The following NLGN1 variants were observed in gnomAD, a reference collection of about 807,000 sequenced individuals.
NLGN1 encodes the protein neuroligin-1.
A neutral mutation model predicts 65.5 loss-of-function variants in NLGN1; 12 were observed. The ratio of observed to expected loss-of-function variants is 0.18; its 90% CI spans 0.12 to 0.30. The LOEUF (loss-of-function observed/expected upper bound fraction) is 0.30, where lower values mean the gene tolerates loss of function less well. NLGN1 is among the 10% of genes least tolerant of loss of function. The pLI, the probability that NLGN1 is intolerant of heterozygous loss-of-function variation, is 1.00. For synonymous variants in NLGN1, 350 were observed against 359.5 expected (o/e 0.97, Z 0.30); for missense variants, 750 against 1,007.1 (o/e 0.74, Z 3.46).
At chr3:173,590,084 A>G (rs917014477) in intron 2 of NLGN1, among the ~76,000 whole-genome samples, 14 of 152,152 alleles carry the variant, frequency 9.2e-5, no homozygotes, top group African/African-American at 3.4e-4. Context: ...TGATTACAGC[A>G]TAGAACGTTG....
At chr3:174,004,544 T>G (rs1269984063) in intron 4 of NLGN1, among the ~76,000 whole-genome samples, 7 of 152,166 alleles carry the variant, frequency 4.6e-5, no homozygotes, top group Non-Finnish European at 1.0e-4. Flanking sequence ...ACAAAAACAT[T>G]CTTGGACTCT....
intron 4 of NLGN1, among the ~76,000 whole-genome samples, chr3:173,898,427 T>TGCACA (rs1490373427): frequency 1.3e-5 from 2 of 152,172 alleles, no homozygotes; most frequent in Non-Finnish European, 2.9e-5. Flanking sequence ...CATTCAGAGA[T>TGCACA]GTCACTGTGG....
chr3:173,713,832 A>G (rs1353310114), intron 3 of NLGN1, among the ~76,000 whole-genome samples: 3 of 152,234 alleles, frequency 2.0e-5, no homozygotes, highest in Admixed American at 6.5e-5. Context: ...CTTACTTTCT[A>G]TAAAACAAAT....
chr3:173,617,738 G>T (rs1240884159), intron 3 of NLGN1, among the ~76,000 whole-genome samples: 2 of 152,144 alleles, frequency 1.3e-5, no homozygotes, highest in African/African-American at 4.8e-5. Context: ...CAGCCTTATT[G>T]CCTCTGCACT....
chr3:174,112,743 A>G (rs961295595), intron 4 of NLGN1, among the ~76,000 whole-genome samples: 2 of 151,996 alleles, frequency 1.3e-5, no homozygotes, highest in Admixed American at 1.3e-4. Flanking sequence ...TAATAACATC[A>G]TGTTTCTAAA....
intron 4 of NLGN1, among the ~76,000 whole-genome samples, chr3:173,840,603 G>A (rs1342128144): frequency 6.6e-6 from 1 of 152,076 alleles, no homozygotes; most frequent in South Asian, 2.1e-4. Context: ...GTAAAACCTG[G>A]GTTAAGGCTT....
intron 4 of NLGN1, among the ~76,000 whole-genome samples, chr3:174,044,220 G>T (rs2861663): frequency 1.3e-5 from 2 of 152,150 alleles, no homozygotes; most frequent in Admixed American, 6.6e-5. Context: ...GTGATGCTAA[G>T]GGCTGCTGTG....
intron 2 of NLGN1, among the ~76,000 whole-genome samples, chr3:173,567,449 G>A (rs1364847240): frequency 2.6e-5 from 4 of 151,640 alleles, no homozygotes; most frequent in Non-Finnish European, 4.4e-5. Flanking sequence ...ATAGAAATAA[G>A]GAATATATAC....
chr3:173,545,610 T>C (rs141795621), intron 2 of NLGN1, among the ~76,000 whole-genome samples: 1 of 152,250 alleles, frequency 6.6e-6, no homozygotes, highest in East Asian at 1.9e-4. Context: ...CCCAAAGTAT[T>C]ATAAATCATT....
intron 4 of NLGN1, among the ~76,000 whole-genome samples, chr3:173,899,967 G>A (rs1254638120): frequency 6.6e-6 from 1 of 152,070 alleles, no homozygotes; most frequent in East Asian, 1.9e-4. Flanking sequence ...GCAATCAACT[G>A]AGTTCATAAG....
intron 4 of NLGN1, among the ~76,000 whole-genome samples, chr3:174,099,014 G>T (rs1163256736): frequency 6.6e-6 from 1 of 152,078 alleles, no homozygotes; most frequent in Non-Finnish European, 1.5e-5. Flanking sequence ...ACTAAGTTGG[G>T]CTCCCTGCTG....
chr3:173,440,144 A>G (rs1577470062), intron 2 of NLGN1, among the ~76,000 whole-genome samples: 3 of 152,258 alleles, frequency 2.0e-5, no homozygotes, highest in African/African-American at 7.2e-5. Context: ...CATCCACAAG[A>G]TGCAACTCCT....
At chr3:174,004,839 C>A (rs940202067) in intron 4 of NLGN1, among the ~76,000 whole-genome samples, 2 of 152,040 alleles carry the variant, frequency 1.3e-5, no homozygotes, top group African/African-American at 4.8e-5. Context: ...AGAGTCATAA[C>A]AATGTCTTAA....
intron 3 of NLGN1, among the ~76,000 whole-genome samples, chr3:173,717,934 AG>A: frequency 6.6e-6 from 1 of 152,334 alleles, no homozygotes; most frequent in African/African-American, 2.4e-5. Flanking sequence ...TGTAGGTACA[AG>A]GGTAAGAGTG....
intron 4 of NLGN1, among the ~76,000 whole-genome samples, chr3:173,927,053 C>CT (rs1274509300): frequency 4.6e-5 from 7 of 152,066 alleles, no homozygotes; most frequent in African/African-American, 1.2e-4. Flanking sequence ...TATGAATTGC[C>CT]TTTTTTTCCT....
At chr3:174,232,349 T>A (rs1740871147) in intron 4 of NLGN1, among the ~76,000 whole-genome samples, 1 of 152,092 alleles carries the variant, frequency 6.6e-6, no homozygotes, top group Admixed American at 6.5e-5. Context: ...TGGTGGAATG[T>A]CATCAGTTAA....
intron 4 of NLGN1, among the ~76,000 whole-genome samples, chr3:174,056,918 AT>A (rs141808159): frequency 4.6e-5 from 7 of 151,152 alleles, no homozygotes; most frequent in Admixed American, 3.3e-4. Context: ...ATATATATAT[AT>A]TTTTTTTCAT....
chr3:174,088,485 G>A (rs1228789077), intron 4 of NLGN1, among the ~76,000 whole-genome samples: 1 of 152,062 alleles, frequency 6.6e-6, no homozygotes, highest in Non-Finnish European at 1.5e-5. Flanking sequence ...GGCTGGGCAC[G>A]GTGACTCACG....
intron 4 of NLGN1, among the ~76,000 whole-genome samples, chr3:174,051,094 T>C (rs150970039): frequency 1.3e-3 from 205 of 152,232 alleles, no homozygotes; most frequent in African/African-American, 4.6e-3. Context: ...TAATTTGTTT[T>C]AGGTAATGGG....
Sources: gnomAD v4.1 joint callset for allele counts (sites outside exome capture counted in the v4.1 genomes callset) on GRCh38, gnomAD v4.1.1 for gene constraint, MANE v1.5 for transcripts, NCBI Gene and HGNC (gene_info 2026-07-23, HGNC 2026-07-21) for gene names.